Variants in RAD9B observed in about 807,000 individuals in gnomAD.
RAD9B encodes the protein RAD9 checkpoint clamp component B, also known as cell cycle checkpoint control protein RAD9B.
A neutral mutation model predicts 48.3 loss-of-function variants in RAD9B; 41 were observed. The ratio of observed to expected loss-of-function variants is 0.85; its 90% CI spans 0.66 to 1.10. The LOEUF is 1.10. RAD9B is among the 50% of genes least tolerant of loss of function. The pLI is 0.00. For missense variants in RAD9B, 444 were observed against 485.1 expected (o/e 0.92, Z 0.80); for synonymous variants, 160 against 157.9 (o/e 1.01, Z -0.10).
At chr12:110,518,966 T>A in intron 8 of RAD9B, 28 bp downstream of exon 8, 1 of 1,419,348 alleles carries the variant, frequency 7.0e-7, no homozygotes, top group Non-Finnish European at 9.6e-7. Context: ...TTTCTGAGCT[T>A]GTTTCTTTTG....
chr12:110,503,813 G>T lies in RAD9B; in HGVS notation c.54G>T (p.Gly18=), dbSNP rs1411112098. Residue 18 remains glycine (G), a synonymous_variant, in exon 2 of 11, where the codon GGG becomes GGT. Transcript: ENST00000409300. The part of the protein sequence containing the change: ...VMSGSQVKVF[G]KAVQALSRIS... ...CTTTCTTTTTCTCCATAGTATTTGGGAAAGCAGTTCAAGCTCTATCACGAA... is the reference window on the plus strand; with the variant it reads ...CTTTCTTTTTCTCCATAGTATTTGGTAAAGCAGTTCAAGCTCTATCACGAA... The T allele has an allele frequency of 1.2e-6, 2 of 1,607,260 alleles. No individual in the cohort carries two copies. Among genetic ancestry groups the T allele is most frequent in the Admixed American group, 1.7e-5 (1 of 59,116 alleles).
intron 4 of RAD9B, among the ~76,000 whole-genome samples, chr12:110,509,803 A>C (rs1339051184): frequency 6.6e-6 from 1 of 152,212 alleles, no homozygotes; most frequent in Non-Finnish European, 1.5e-5. Flanking sequence ...GGTTATTTCT[A>C]AAGAACACCT....
intron 10 of RAD9B, among the ~76,000 whole-genome samples, chr12:110,524,885 C>T (rs1207289588): frequency 2.0e-5 from 3 of 151,882 alleles, no homozygotes; most frequent in Non-Finnish European, 2.9e-5. Flanking sequence ...TTCAGTATAA[C>T]AGTACAATGA....
At chr12:110,508,961 A>AT (rs533654768) in intron 4 of RAD9B, among the ~76,000 whole-genome samples, 213 of 151,388 alleles carry the variant, frequency 1.4e-3, no homozygotes, top group Non-Finnish European at 1.7e-3. Context: ...TACCTGGCTA[A>AT]TTTTTTTATT....
rs1190470426 is a variant in RAD9B at position 110,533,112 on chromosome 12, A to G, written c.*2459A>G. 3.3e-5 allele frequency: 5 copies of G among 152,220 alleles called. No individual in the cohort carries two copies. The highest frequency in any genetic ancestry group is 3.8e-4 in the East Asian group (2 of 5,206). 9.4% of individuals were successfully genotyped at this position (152,220 alleles called of 1,614,324 possible). On this transcript the variant is annotated 3_prime_UTR_variant, in exon 11 of 11. Transcript: ENST00000409300. The stretch of plus-strand genomic sequence containing the variant: ...TGTAGTGAAGCAGCTGGAGCCAGTT[A>G]AAGTAGCAGCATATAATCAGTGCTA...
At chr12:110,530,117 A>G (rs1593126051) in intron 10 of RAD9B, among the ~76,000 whole-genome samples, 1 of 152,182 alleles carries the variant, frequency 6.6e-6, no homozygotes, top group East Asian at 1.9e-4. Flanking sequence ...ATCTCGGCTC[A>G]CTGCAAGCTC....
chr12:110,526,521 T>G (rs903551639), intron 10 of RAD9B, among the ~76,000 whole-genome samples: 1 of 152,218 alleles, frequency 6.6e-6, no homozygotes, highest in Non-Finnish European at 1.5e-5. Flanking sequence ...CGTGATGATA[T>G]ACACTGAACA....
At chr12:110,507,392 A>G (rs1367248316) in intron 4 of RAD9B, among the ~76,000 whole-genome samples, 1 of 142,874 alleles carries the variant, frequency 7.0e-6, no homozygotes, top group Admixed American at 7.3e-5. Flanking sequence ...ATTATATATA[A>G]TATATAATAT....
intron 4 of RAD9B, 142 bp from the exon 5 acceptor site, chr12:110,512,637 A>C: frequency 1.8e-6 from 1 of 548,108 alleles, no homozygotes; most frequent in Non-Finnish European, 3.2e-6. Context: ...TAATTAAGGA[A>C]TAGTGCTTCT....
In RAD9B at chr12:110,505,789, C is replaced by A; in HGVS notation, c.273+17C>A. 6.2e-7 allele frequency: 1 copy of A among 1,602,620 alleles called. No homozygotes were observed. Among genetic ancestry groups the A allele is most frequent in the Non-Finnish European group, 8.5e-7 (1 of 1,172,390 alleles). On this transcript the variant is annotated intron_variant, in intron 3 of 10. Coordinates refer to ENST00000409300, the MANE Select transcript of RAD9B (RefSeq NM_001286535.2). ...GGAATGAAGGTAAATATAAGTGGCCCTGGTTTTCTCTTATTCTGTAGAAAT... is the reference window on the plus strand; with the variant it reads ...GGAATGAAGGTAAATATAAGTGGCCATGGTTTTCTCTTATTCTGTAGAAAT...
intron 2 of RAD9B, among the ~76,000 whole-genome samples, chr12:110,504,497 A>T (rs967964946): frequency 6.6e-6 from 1 of 151,656 alleles, no homozygotes; most frequent in African/African-American, 2.4e-5. Flanking sequence ...AAAAAAAAAA[A>T]ATTGAGTCAA....
chr12:110,512,160 T>A (rs1000679062), intron 4 of RAD9B, among the ~76,000 whole-genome samples: 4 of 129,992 alleles, frequency 3.1e-5, no homozygotes, highest in African/African-American at 1.2e-4. Flanking sequence ...TTTTTTTTTC[T>A]TTTTGAGACA....
intron 2 of RAD9B, among the ~76,000 whole-genome samples, chr12:110,504,479 A>C (rs1218581334): frequency 3.0e-5 from 4 of 133,776 alleles, no homozygotes; most frequent in Non-Finnish European, 4.9e-5. Flanking sequence ...ACTCCGTCCC[A>C]AAAAAAAAAA....
At chr12:110,511,029 C>T (rs1380682762) in intron 4 of RAD9B, among the ~76,000 whole-genome samples, 1 of 152,004 alleles carries the variant, frequency 6.6e-6, no homozygotes, top group Non-Finnish European at 1.5e-5. Flanking sequence ...AAAGAATTAA[C>T]AAACCAGATG....
Position 110,531,182 on chromosome 12 carries a change from AAT to A in RAD9B, c.*535_*536del. On this transcript the variant is annotated 3_prime_UTR_variant, in exon 11 of 11. Transcript: ENST00000409300. ...CCCTGGAAAAAAGATCAAGAGTAAA[AAT>A]ATATAGTCACTTTCACTTGGCTTTT... 2 of 986,420 alleles carry A rather than the reference AAT, an allele frequency of 2.0e-6. No homozygotes were observed. The highest frequency in any genetic ancestry group is 2.4e-6 in the Non-Finnish European group (2 of 823,732). The allele number at this position is 986,420 out of a possible 1,614,324, so 61.1% of individuals were successfully genotyped here. A position where few individuals can be genotyped will look rare whatever the true frequency, so the allele number is the denominator to read the frequency against.
At chr12:110,508,698 G>A (rs933508260) in intron 4 of RAD9B, among the ~76,000 whole-genome samples, 3 of 152,180 alleles carry the variant, frequency 2.0e-5, no homozygotes, top group Non-Finnish European at 4.4e-5. Context: ...CTGGGCTCAA[G>A]CAATTCTCCT....
intron 8 of RAD9B, 27 bp downstream of exon 8, chr12:110,518,965 T>G: frequency 7.0e-7 from 1 of 1,418,998 alleles, no homozygotes; most frequent in Non-Finnish European, 9.6e-7. Context: ...TTTTCTGAGC[T>G]TGTTTCTTTT....
At chr12:110,512,497 A>G (rs2063489849) in intron 4 of RAD9B, among the ~76,000 whole-genome samples, 1 of 152,206 alleles carries the variant, frequency 6.6e-6, no homozygotes, top group Admixed American at 6.5e-5. Flanking sequence ...ATAAAAATAT[A>G]TTAACAAAAG....
At position 110,505,661 on chromosome 12, in the gene RAD9B, T is replaced by G. The variant is rs986961992; in HGVS notation, c.162T>G (p.Cys54Trp). 1 of 1,579,180 alleles carries G rather than the reference T, an allele frequency of 6.3e-7. No individual in the cohort carries two copies. Among genetic ancestry groups the G allele is most frequent in the Non-Finnish European group, 8.6e-7 (1 of 1,161,174 alleles). Residue 54 changes from cysteine (C) to tryptophan (W), a missense_variant, in exon 3 of 11, where the codon TGT becomes TGG. Transcript: ENST00000409300. ...CVNSSRSAYG[C>W]VLFSPVFFQH... ...ATTCTTCTCGGTCAGCATATGGATGTGTCCTGTTCTCTCCTGTGTTTTTTC... is the reference window on the plus strand; with the variant it reads ...ATTCTTCTCGGTCAGCATATGGATGGGTCCTGTTCTCTCCTGTGTTTTTTC...
Sources: allele counts gnomAD v4.1 joint callset (sites outside exome capture counted in the v4.1 genomes callset), GRCh38; gene constraint gnomAD v4.1.1; transcripts MANE v1.5; gene names NCBI Gene and HGNC (gene_info 2026-07-23, HGNC 2026-07-21).